Variants in ZNF232 observed in about 807,000 individuals in gnomAD.
ZNF232 encodes the protein zinc finger and SCAN domain-containing protein 11.
In ZNF232, 25 loss-of-function variants were observed where a neutral mutation model predicts 25.2. The ratio of observed to expected loss-of-function variants is 0.99; its 90% CI spans 0.72 to 1.39. The LOEUF (loss-of-function observed/expected upper bound fraction) is 1.39. Ranked by LOEUF, ZNF232 falls within the 40% of genes most tolerant of loss-of-function variation. The pLI is 0.00. For missense variants in ZNF232, 519 were observed against 520.9 expected, an observed-to-expected ratio of 1.00 and a Z score of 0.04; for synonymous variants, 193 against 182.9, an observed-to-expected ratio of 1.06 and a Z score of -0.45.
chr17:5,108,835 C>A (rs2072324186), intron 3 of ZNF232, 91 bp downstream of exon 3: 1 of 1,581,980 alleles, frequency 6.3e-7, no homozygotes, highest in Non-Finnish European at 8.6e-7. Context: ...ATTTAAGCAC[C>A]TACTACTATT....
At chr17:5,116,944 G>C (rs939479473) in intron 1 of ZNF232, among the ~76,000 whole-genome samples, 3 of 152,224 alleles carry the variant, frequency 2.0e-5, no homozygotes, top group Non-Finnish European at 2.9e-5. Flanking sequence ...TCGTGGAAAG[G>C]CCACAGGGCA....
chr17:5,118,481 A>G (rs1164246929), intron 1 of ZNF232, among the ~76,000 whole-genome samples: 1 of 152,260 alleles, frequency 6.6e-6, no homozygotes, highest in Non-Finnish European at 1.5e-5. Context: ...TGTGATCCCA[A>G]ATCCCCAGAG....
intron 3 of ZNF232, among the ~76,000 whole-genome samples, chr17:5,107,394 G>GAA (rs749338515): frequency 0.1 from 6,131 of 59,980 alleles, 76 homozygotes; most frequent in Middle Eastern, 0.14. Flanking sequence ...TCTCAAAAAG[G>GAA]AAAAAAAAAA....
exon 2 of ZNF232, chr17:5,109,588 C>T (rs772439143): frequency 1.9e-6 from 3 of 1,614,116 alleles, no homozygotes; most frequent in Non-Finnish European, 2.5e-6. Flanking sequence ...CAGCAGAGTA[C>T]TCGTAGTTGG....
chr17:5,108,742 T>A (rs1440914987), intron 3 of ZNF232, 184 bp downstream of exon 3: 2 of 884,506 alleles, frequency 2.3e-6, no homozygotes, highest in South Asian at 3.5e-5. Flanking sequence ...TAGTTTATTC[T>A]TACTCCTAAT....
intron 1 of ZNF232, chr17:5,120,675 A>ATG: frequency 2.5e-6 from 1 of 404,964 alleles, no homozygotes; most frequent in Non-Finnish European, 4.9e-6. Context: ...CAGTGTGAAG[A>ATG]TGGACACTGT....
exon 2 of ZNF232, chr17:5,109,676 A>G: frequency 6.2e-7 from 1 of 1,614,188 alleles, no homozygotes; most frequent in Admixed American, 1.7e-5. Context: ...CTTGACTGGT[A>G]GAGTGGTTCC....
intron 1 of ZNF232, 126 bp downstream of exon 1, chr17:5,111,674 C>A: frequency 6.7e-7 from 1 of 1,490,358 alleles, no homozygotes; most frequent in Admixed American, 1.9e-5. Context: ...GCAACCCAAA[C>A]CCCTCTCCAC....
intron 1 of ZNF232, among the ~76,000 whole-genome samples, chr17:5,119,818 G>A (rs529451284): frequency 9.8e-5 from 15 of 152,350 alleles, no homozygotes; most frequent in African/African-American, 3.6e-4. Context: ...CTGGGAGAAA[G>A]ATACTCTTTC....
chr17:5,119,166 T>C (rs1463997332), intron 1 of ZNF232, among the ~76,000 whole-genome samples: 1 of 152,194 alleles, frequency 6.6e-6, no homozygotes, highest in Non-Finnish European at 1.5e-5. Flanking sequence ...TCAAAGAGAT[T>C]ATCAGACTCT....
chr17:5,107,918 A>T (rs543519534), intron 3 of ZNF232, among the ~76,000 whole-genome samples: 26 of 140,642 alleles, frequency 1.8e-4, no homozygotes, highest in South Asian at 4.3e-4. Context: ...GCTATATATA[A>T]AAAAAAAATC....
At chr17:5,108,673 A>G (rs559490695) in intron 3 of ZNF232, 1 of 401,204 alleles carries the variant, frequency 2.5e-6, no homozygotes, top group African/African-American at 2.0e-5. Flanking sequence ...GATGCTGGCC[A>G]GGCTTTATAT....
At chr17:5,108,359 T>A (rs1425898619) in intron 3 of ZNF232, among the ~76,000 whole-genome samples, 1 of 151,910 alleles carries the variant, frequency 6.6e-6, no homozygotes, top group Non-Finnish European at 1.5e-5. Flanking sequence ...AAGAAGGAAG[T>A]TTCTGTAGTG....
chr17:5,117,284 G>T (rs4318270), intron 1 of ZNF232, among the ~76,000 whole-genome samples: 3 of 152,038 alleles, frequency 2.0e-5, no homozygotes. Context: ...TTGGGAGGCC[G>T]AGGCGGGTGG....
intron 1 of ZNF232, 44 bp from the exon 2 acceptor site, chr17:5,109,912 CAG>C (rs767842266): frequency 1.3e-6 from 2 of 1,513,612 alleles, no homozygotes; most frequent in South Asian, 1.3e-5. Context: ...TTTTTTAAGA[CAG>C]AGTCTTTCTC....
At position 5,109,879 on chromosome 17, in the gene ZNF232, A is replaced by C; in HGVS notation, c.24-11T>G. ...TCTTGCAAGGGCCCCCTGTAACATAAGAAGAAATCATTCCTCTTTTTTTTT... is the reference window on the plus strand; with the variant it reads ...TCTTGCAAGGGCCCCCTGTAACATACGAAGAAATCATTCCTCTTTTTTTTT... On this transcript the variant is annotated splice_polypyrimidine_tract_variant and intron_variant, in intron 1 of 3. Transcript: ENST00000575898. The C allele has an allele frequency of 6.3e-7, 1 of 1,574,834 alleles. No homozygotes were observed. The highest frequency in any genetic ancestry group is 8.6e-7 in the Non-Finnish European group (1 of 1,166,084).
intron 2 of ZNF232, 148 bp downstream of exon 2, chr17:5,109,246 C>A: frequency 1.6e-6 from 2 of 1,239,704 alleles, no homozygotes; most frequent in South Asian, 1.3e-5. Flanking sequence ...GGCTCGAGGG[C>A]AGAAAAGACA....
chr17:5,112,616 T>C (rs2072444360), upstream of ZNF232, among the ~76,000 whole-genome samples: 1 of 143,506 alleles, frequency 7.0e-6, no homozygotes, highest in Non-Finnish European at 1.5e-5. Context: ...CACGCCCGGC[T>C]AATTTTTTTT....
At chr17:5,122,542 A>AC (rs956801215) in intron 1 of ZNF232, among the ~76,000 whole-genome samples, 4 of 152,148 alleles carry the variant, frequency 2.6e-5, no homozygotes, top group African/African-American at 9.7e-5. Context: ...CCCGCGTGCC[A>AC]CCCGGGAGGC....
Sources: allele counts gnomAD v4.1 joint callset (sites outside exome capture counted in the v4.1 genomes callset), GRCh38; gene constraint gnomAD v4.1.1; transcripts MANE v1.5; gene names NCBI Gene and HGNC (gene_info 2026-07-23, HGNC 2026-07-21).